SMAD9: variants seen among roughly 807,000 people sequenced by gnomAD.
SMAD9 encodes SMAD family member 9.
SMAD9 carries 36 observed loss-of-function variants against 46.1 expected under a neutral mutation model. That is an observed-to-expected ratio of 0.78 (90% CI 0.60 to 1.03). SMAD9 has a LOEUF of 1.03. Among genes scored for constraint, SMAD9 ranks in the 50% least tolerant of loss-of-function variants. The pLI, the probability that SMAD9 is intolerant of heterozygous loss-of-function variation, is 0.00. For synonymous variants in SMAD9, 245 were observed against 237.1 expected, an observed-to-expected ratio of 1.03 and a Z score of -0.31; for missense variants, 572 against 599.8, an observed-to-expected ratio of 0.95 and a Z score of 0.48.
At chr13:36,914,263 TA>T (rs2058682054) in intron 1 of SMAD9, among the ~76,000 whole-genome samples, 1 of 152,184 alleles carries the variant, frequency 6.6e-6, no homozygotes, top group South Asian at 2.1e-4. Flanking sequence ...ATCACGCCTG[TA>T]AACCCAGCAC....
intron 1 of SMAD9, among the ~76,000 whole-genome samples, chr13:36,905,846 TTTTG>T (rs2058616559): frequency 6.7e-6 from 1 of 149,550 alleles, no homozygotes; most frequent in Non-Finnish European, 1.5e-5. Flanking sequence ...TTTTTAAAAG[TTTTG>T]TTTATTGTTT....
chr13:36,894,795 G>A (rs2058515317), intron 1 of SMAD9, among the ~76,000 whole-genome samples: 1 of 152,142 alleles, frequency 6.6e-6, no homozygotes, highest in Admixed American at 6.6e-5. Flanking sequence ...CCTGGAGCCT[G>A]TGGTTCCTTT....
At chr13:36,880,014 G>C (rs948892042) in intron 1 of SMAD9, 139 bp from the exon 2 acceptor site, 3 of 388,808 alleles carry the variant, frequency 7.7e-6, no homozygotes, top group African/African-American at 6.1e-5. Context: ...GGAGGTCAAG[G>C]CTGCGCCACT....
intron 2 of SMAD9, among the ~76,000 whole-genome samples, chr13:36,878,175 T>TACAC (rs58444769): frequency 1.7e-4 from 25 of 150,322 alleles, no homozygotes; most frequent in East Asian, 1.2e-3. Context: ...ATAATATACA[T>TACAC]ACACACACAC....
At chr13:36,867,440 G>A (rs1476963900) in intron 3 of SMAD9, 57 bp from the exon 4 acceptor site, 7 of 1,177,516 alleles carry the variant, frequency 5.9e-6, no homozygotes, top group Non-Finnish European at 7.3e-6. Context: ...CACAAAGACA[G>A]TTGGATCCGA....
rs751992482 is a variant in SMAD9, at chr13:36,853,452, G to A, written c.1227C>T (p.Thr409=). The A allele has an allele frequency of 5.6e-6, 9 of 1,613,870 alleles. No homozygotes were observed. In the African/African-American group the frequency reaches 9.3e-5, roughly 17 times the overall value. Reference sequence around the variant, plus strand: ...AACTCATCCGGATAGTACACATCTTGGTCAGTTCATACACGACTTCAAAGC... The same window carrying A: ...AACTCATCCGGATAGTACACATCTTAGTCAGTTCATACACGACTTCAAAGC... ...HHGFEVVYEL[T]KMCTIRMSFV... The change falls in exon 6 of 7, where the codon ACC becomes ACT. Residue 409 remains threonine (T), a synonymous_variant. Coordinates refer to ENST00000379826, the MANE Select transcript of SMAD9 (RefSeq NM_001127217.3).
At chr13:36,889,194 C>G (rs980635481) in intron 1 of SMAD9, among the ~76,000 whole-genome samples, 2 of 152,110 alleles carry the variant, frequency 1.3e-5, no homozygotes, top group African/African-American at 4.8e-5. Context: ...CGCTTTGAAG[C>G]AGTATAATAT....
At chr13:36,871,490 C>G (rs922390470) in intron 3 of SMAD9, among the ~76,000 whole-genome samples, 1 of 151,836 alleles carries the variant, frequency 6.6e-6, no homozygotes, top group African/African-American at 2.4e-5. Context: ...TGCACTCCAA[C>G]CTGGGTGACA....
rs1199979474 is a variant in SMAD9, at chr13:36,853,680, A to G, written c.1004-5T>C. 2 of 1,613,982 alleles carry G rather than the reference A, an allele frequency of 1.2e-6. No individual in the cohort carries two copies. Among genetic ancestry groups the G allele is most frequent in the African/African-American group, 2.7e-5 (2 of 75,038 alleles). ...CGACGTAGTACAAGTGCACACCTGC[A>G]GACACAAAAACACAGCCTTCCTTCA... On this transcript the variant is annotated splice_polypyrimidine_tract_variant and splice_region_variant and intron_variant, in intron 5 of 6. Coordinates refer to ENST00000379826, the MANE Select transcript of SMAD9 (RefSeq NM_001127217.3).
At chr13:36,871,223 TA>T (rs2058290482) in intron 3 of SMAD9, among the ~76,000 whole-genome samples, 1 of 152,194 alleles carries the variant, frequency 6.6e-6, no homozygotes, top group African/African-American at 2.4e-5. Context: ...GTCCATGTTC[TA>T]ATGCCTGTGT....
At chr13:36,904,068 C>T (rs73535775) in intron 1 of SMAD9, among the ~76,000 whole-genome samples, 1,887 of 152,168 alleles carry the variant, frequency 0.012, 43 homozygotes, top group African/African-American at 0.042. Context: ...TCTTACATAG[C>T]AAATACTGCT....
intron 1 of SMAD9, among the ~76,000 whole-genome samples, chr13:36,881,984 A>C (rs2058406650): frequency 6.6e-6 from 1 of 152,216 alleles, no homozygotes; most frequent in Non-Finnish European, 1.5e-5. Flanking sequence ...CAGCGAGTTA[A>C]ACCAAATACA....
At chr13:36,903,428 A>C (rs1182024869) in intron 1 of SMAD9, among the ~76,000 whole-genome samples, 1 of 152,152 alleles carries the variant, frequency 6.6e-6, no homozygotes, top group Non-Finnish European at 1.5e-5. Context: ...CCCGGCCTGG[A>C]GGGGCCATTT....
intron 1 of SMAD9, among the ~76,000 whole-genome samples, chr13:36,881,083 ATTTGGCCTAAAATCAGCTTAATTCTTC>A (rs1205706821): frequency 6.6e-6 from 1 of 152,190 alleles, no homozygotes; most frequent in African/African-American, 2.4e-5. Flanking sequence ...CACATTTGTT[ATTTGGCCTAAAATCAGCTTAATTCTTC>A]TTTGCCCTGT....
intron 4 of SMAD9, among the ~76,000 whole-genome samples, 199 bp downstream of exon 4, chr13:36,867,074 G>T (rs957537488): frequency 1.3e-5 from 2 of 152,134 alleles, no homozygotes; most frequent in African/African-American, 4.8e-5. Context: ...TTCTAGTAAT[G>T]ATGATAAACA....
intron 1 of SMAD9, among the ~76,000 whole-genome samples, chr13:36,887,643 G>T (rs2058458263): frequency 6.6e-6 from 1 of 152,130 alleles, no homozygotes; most frequent in Non-Finnish European, 1.5e-5. Context: ...GGCAGAGGTG[G>T]TAGTTACTAG....
At chr13:36,851,177 G>A (rs552967321) in intron 6 of SMAD9, among the ~76,000 whole-genome samples, 8 of 152,298 alleles carry the variant, frequency 5.3e-5, no homozygotes, top group African/African-American at 1.4e-4. Context: ...CGCTGAACTC[G>A]TAGCAGAGGT....
intron 1 of SMAD9, among the ~76,000 whole-genome samples, chr13:36,918,053 CAA>C (rs1168011913): frequency 6.6e-6 from 1 of 150,578 alleles, no homozygotes; most frequent in African/African-American, 2.5e-5. Flanking sequence ...ATTTAAAAAA[CAA>C]AACAAAACTC....
chr13:36,904,440 A>G (rs1160718087), intron 1 of SMAD9, among the ~76,000 whole-genome samples: 1 of 152,220 alleles, frequency 6.6e-6, no homozygotes, highest in African/African-American at 2.4e-5. Context: ...GCCCTATGCA[A>G]TCATCCCAGC....
Sources: gnomAD v4.1 joint callset for allele counts (sites outside exome capture counted in the v4.1 genomes callset) on GRCh38, gnomAD v4.1.1 for gene constraint, MANE v1.5 for transcripts, NCBI Gene and HGNC (gene_info 2026-07-23, HGNC 2026-07-21) for gene names.